The following RBM27 variants were observed in gnomAD, a reference collection of about 807,000 sequenced individuals.
RBM27 encodes RNA-binding protein 27.
Under a neutral mutation model 135.3 loss-of-function variants are expected in RBM27, and 22 were observed. The observed-to-expected ratio is 0.16, with a 90% CI of 0.12 to 0.23. RBM27 has a LOEUF of 0.23. RBM27 is among the 10% of genes least tolerant of loss of function. The pLI, the probability that RBM27 is intolerant of heterozygous loss-of-function variation, is 1.00. For missense variants in RBM27, 1,009 were observed against 1,281.0 expected, an observed-to-expected ratio of 0.79 and a Z score of 3.24; for synonymous variants, 481 against 442.4, an observed-to-expected ratio of 1.09 and a Z score of -1.10.
At position 146,225,408 on chromosome 5, in the gene RBM27, GC is replaced by G. The variant is rs1158950725; in HGVS notation, c.303+1882del. Among the ~76,000 whole-genome samples the G allele has an allele frequency of 5.3e-5, 8 of 152,232 alleles. No homozygotes were observed. The East Asian group carries it at 1.5e-3, about 29-fold the overall frequency. On this transcript the variant is annotated intron_variant, in intron 3 of 20. Coordinates refer to ENST00000265271, the MANE Select transcript of RBM27 (RefSeq NM_018989.2). ...ATCCAACATTAAAAGAAAAAATGTG[GC>G]TATATTTATGAAGATCAACTGAGAC...
At chr5:146,241,100 A>G (rs991982333) in intron 8 of RBM27, among the ~76,000 whole-genome samples, 1 of 152,144 alleles carries the variant, frequency 6.6e-6, no homozygotes, top group Non-Finnish European at 1.5e-5. Context: ...TGCAGATGGC[A>G]TATTTTTATA....
intron 8 of RBM27, among the ~76,000 whole-genome samples, chr5:146,243,397 A>G (rs1243374342): frequency 2.0e-5 from 3 of 152,226 alleles, no homozygotes; most frequent in Non-Finnish European, 4.4e-5. Flanking sequence ...CCAGTCTGAA[A>G]TGCTCCAAAA....
chr5:146,286,511 T>C lies in RBM27; in HGVS notation c.*481T>C, dbSNP rs1050633242. 2.0e-5 allele frequency: 3 copies of C among 151,760 alleles called. No homozygotes were observed. The highest frequency in any genetic ancestry group is 4.4e-5 in the Non-Finnish European group (3 of 67,968). 9.4% of individuals were successfully genotyped at this position (151,760 alleles called of 1,614,324 possible). A position where few individuals can be genotyped will look rare whatever the true frequency, so the allele number is the denominator to read the frequency against. The stretch of plus-strand genomic sequence containing the variant: ...TTCAAGAGTGGTCTTGGAAGAAAAA[T>C]ATGTTTATTTTAATTTTAATTTTTT... On this transcript the variant is annotated 3_prime_UTR_variant, in exon 21 of 21. Transcript: ENST00000265271.
chr5:146,285,902 A>G (rs1325065600), intron 20 of RBM27, 45 bp from the exon 21 acceptor site: 2 of 1,452,972 alleles, frequency 1.4e-6, no homozygotes, highest in Non-Finnish European at 1.9e-6. Flanking sequence ...TATTTTACTT[A>G]CCATTCTTGT....
rs1340874763 is a variant in RBM27 at position 146,224,994 on chromosome 5, A to G, written c.303+1467A>G. Reference sequence around the variant, plus strand: ...TGTGTATTTCCTACATATAAGGAATATTCTCTTAGGTAACTATGATACTGT... The same window carrying G: ...TGTGTATTTCCTACATATAAGGAATGTTCTCTTAGGTAACTATGATACTGT... On this transcript the variant is annotated intron_variant, in intron 3 of 20. Transcript: ENST00000265271. 4.6e-5 allele frequency among the ~76,000 whole-genome samples: 7 copies of G among 152,224 alleles called. No homozygotes were observed. In the East Asian group the frequency reaches 7.7e-4, roughly 17 times the overall value.
chr5:146,241,309 A>C (rs1356668890), intron 8 of RBM27, among the ~76,000 whole-genome samples: 3 of 152,212 alleles, frequency 2.0e-5, no homozygotes, highest in Admixed American at 6.5e-5. Flanking sequence ...AAATAAATTA[A>C]TTTGGCAAAT....
At chr5:146,254,682 T>C (rs1758034099) in intron 9 of RBM27, among the ~76,000 whole-genome samples, 1 of 152,206 alleles carries the variant, frequency 6.6e-6, no homozygotes, top group African/African-American at 2.4e-5. Context: ...AGAGATGTTT[T>C]AGAGTATACA....
At chr5:146,278,616 G>A (rs1759194212) in intron 19 of RBM27, among the ~76,000 whole-genome samples, 1 of 152,046 alleles carries the variant, frequency 6.6e-6, no homozygotes, top group South Asian at 2.1e-4. Flanking sequence ...CTACACTAGT[G>A]CATGTGGTGT....
chr5:146,227,406 G>C (rs1221905334), intron 3 of RBM27, among the ~76,000 whole-genome samples: 1 of 152,146 alleles, frequency 6.6e-6, no homozygotes, highest in African/African-American at 2.4e-5. Context: ...GTAGTCTAGT[G>C]AGTGTGTAGT....
At chr5:146,275,775 C>T (rs1468791105) in intron 19 of RBM27, among the ~76,000 whole-genome samples, 1 of 152,052 alleles carries the variant, frequency 6.6e-6, no homozygotes, top group Non-Finnish European at 1.5e-5. Flanking sequence ...AAGGGAGGTT[C>T]GGCTAGATAC....
At chr5:146,259,739 C>T (rs1339025610) in intron 11 of RBM27, among the ~76,000 whole-genome samples, 42 of 150,062 alleles carry the variant, frequency 2.8e-4, no homozygotes, top group African/African-American at 1.0e-3. Context: ...TTTGGGAGGC[C>T]AAGGCGGGTG....
chr5:146,253,198 A>ATGT (rs1325606504), intron 9 of RBM27, among the ~76,000 whole-genome samples: 1 of 151,970 alleles, frequency 6.6e-6, no homozygotes, highest in Non-Finnish European at 1.5e-5. Context: ...GGGTTTTGCC[A>ATGT]TGTTGGTCAG....
rs922345355 is a variant in RBM27 at position 146,256,289 on chromosome 5, ATTTTATATATATATTATTTATATATATAT to A, written c.1594+1210_1594+1238del. 2.7e-5 allele frequency among the ~76,000 whole-genome samples: 4 copies of A among 146,538 alleles called. No individual in the cohort carries two copies. The Admixed American group carries it at 2.7e-4, about 10-fold the overall frequency. On this transcript the variant is annotated intron_variant, in intron 10 of 20. Coordinates refer to ENST00000265271, the MANE Select transcript of RBM27 (RefSeq NM_018989.2). ...ACCAAATGCCTTCTCATATATATAT[ATTTTATATATATATTATTTATATATATAT>A]TTTTATATATATTATTTTTATATAT...
intron 19 of RBM27, among the ~76,000 whole-genome samples, chr5:146,275,558 C>T (rs1481645257): frequency 2.0e-5 from 3 of 152,108 alleles, no homozygotes; most frequent in Admixed American, 6.5e-5. Context: ...TGAGCCACTG[C>T]GCCCGGCCCA....
At chr5:146,243,133 G>C (rs948898759) in intron 8 of RBM27, among the ~76,000 whole-genome samples, 3 of 151,898 alleles carry the variant, frequency 2.0e-5, no homozygotes, top group Non-Finnish European at 4.4e-5. Flanking sequence ...GGGTGTGGTG[G>C]TGGGCGCCTG....
chr5:146,253,229 C>T (rs1460496243), intron 9 of RBM27, among the ~76,000 whole-genome samples: 1 of 152,078 alleles, frequency 6.6e-6, no homozygotes, highest in East Asian at 1.9e-4. Flanking sequence ...AACTCCTGAC[C>T]TCGTGATCTG....
At chr5:146,238,562 A>T (rs1757266857) in intron 8 of RBM27, among the ~76,000 whole-genome samples, 1 of 152,140 alleles carries the variant, frequency 6.6e-6, no homozygotes, top group Admixed American at 6.6e-5. Context: ...TTTGTTTCTT[A>T]GGTGTTTTAT....
intron 10 of RBM27, among the ~76,000 whole-genome samples, chr5:146,255,394 T>C (rs1758060530): frequency 6.6e-6 from 1 of 152,206 alleles, no homozygotes; most frequent in Non-Finnish European, 1.5e-5. Context: ...CTGTGTTAGA[T>C]ATTGTGTATA....
intron 8 of RBM27, among the ~76,000 whole-genome samples, chr5:146,239,240 C>T (rs1212984978): frequency 6.6e-6 from 1 of 152,080 alleles, no homozygotes; most frequent in African/African-American, 2.4e-5. Context: ...GGCCTCTGCC[C>T]TCATCCACGC....
Sources: gnomAD v4.1 joint callset for allele counts (sites outside exome capture counted in the v4.1 genomes callset) on GRCh38, gnomAD v4.1.1 for gene constraint, MANE v1.5 for transcripts, NCBI Gene and HGNC (gene_info 2026-07-23, HGNC 2026-07-21) for gene names.